HOATZ: variants seen among roughly 807,000 people sequenced by gnomAD.
HOATZ encodes HOATZ cilia and flagella associated protein.
In HOATZ, 26 loss-of-function variants were observed where a neutral mutation model predicts 24.9. That is an observed-to-expected ratio of 1.04 (90% confidence interval 0.76 to 1.45). The LOEUF (loss-of-function observed/expected upper bound fraction) is 1.45, where lower values mean the gene tolerates loss of function less well. Among genes scored for constraint, HOATZ ranks in the 40% most tolerant of loss-of-function variants. The pLI, the probability that HOATZ is intolerant of heterozygous loss-of-function variation, is 0.00. For synonymous variants in HOATZ, 83 were observed against 76.6 expected (o/e 1.08, Z -0.43); for missense variants, 226 against 201.5 (o/e 1.12, Z -0.74).
Position 111,534,432 on chromosome 11 carries a change from G to A in HOATZ, c.420G>A (p.Pro140=), listed in dbSNP as rs756388978. 16 of 1,610,678 alleles carry A rather than the reference G, an allele frequency of 9.9e-6. No individual in the cohort carries two copies. Among genetic ancestry groups the A allele is most frequent in the East Asian group, 6.7e-5 (3 of 44,822 alleles). The change falls in exon 5 of 6, where the codon CCG becomes CCA. Residue 140 remains proline (P), a synonymous_variant. Transcript: ENST00000375618. ...ERISKELISL[P]YKPKAKEHKA... is the part of the protein sequence containing the mutation. Reference sequence around the variant, plus strand: ...TTCAGAAAGAACTGATTTCCCTTCCGTATAAACCAAAAGCCAAAGAACACA... The same window carrying A: ...TTCAGAAAGAACTGATTTCCCTTCCATATAAACCAAAAGCCAAAGAACACA...
At chr11:111,522,521 G>T (rs1335302942) in intron 3 of HOATZ, among the ~76,000 whole-genome samples, 4 of 152,204 alleles carry the variant, frequency 2.6e-5, no homozygotes, top group Admixed American at 2.0e-4. Flanking sequence ...ATCAGAGCCA[G>T]ATAATAAATG....
intron 3 of HOATZ, among the ~76,000 whole-genome samples, chr11:111,520,125 C>T (rs1867253055): frequency 6.6e-6 from 1 of 152,200 alleles, no homozygotes; most frequent in African/African-American, 2.4e-5. Flanking sequence ...CAGCCCTACA[C>T]TGGACCATCA....
At chr11:111,519,268 C>G (rs1338199162) in intron 3 of HOATZ, 1 of 191,946 alleles carries the variant, frequency 5.2e-6, no homozygotes, top group African/African-American at 2.3e-5. Flanking sequence ...TTTGCTTAAC[C>G]TAGTGCCTTT....
chr11:111,536,614 C>G lies in HOATZ; in HGVS notation c.453-156C>G, dbSNP rs888052062. The G allele has an allele frequency of 6.6e-6, 4 of 607,386 alleles. No individual in the cohort carries two copies. In the African/African-American group the frequency reaches 7.3e-5, roughly 11 times the overall value. 37.6% of individuals were successfully genotyped at this position (607,386 alleles called of 1,614,324 possible). Reference sequence around the variant, plus strand: ...TTCACAATATCATAACCACTTCTCTCACATACAAGTTTATACTTGGTTGCA... The same window carrying G: ...TTCACAATATCATAACCACTTCTCTGACATACAAGTTTATACTTGGTTGCA... On this transcript the variant is annotated intron_variant, in intron 5 of 5. Coordinates refer to ENST00000375618, the MANE Select transcript of HOATZ (RefSeq NM_001100388.2).
At chr11:111,519,454 A>T (rs1867244688) in intron 3 of HOATZ, among the ~76,000 whole-genome samples, 1 of 152,166 alleles carries the variant, frequency 6.6e-6, no homozygotes, top group Non-Finnish European at 1.5e-5. Flanking sequence ...TACTCCCAAA[A>T]TCTAATCTGT....
intron 3 of HOATZ, among the ~76,000 whole-genome samples, chr11:111,524,723 C>T (rs1440107214): frequency 1.3e-5 from 2 of 152,068 alleles, no homozygotes; most frequent in Non-Finnish European, 2.9e-5. Flanking sequence ...ATATAGGAGA[C>T]AAATTGACCT....
intron 1 of HOATZ, 81 bp from the exon 2 acceptor site, chr11:111,515,430 G>T (rs1867176882): frequency 1.7e-5 from 19 of 1,126,968 alleles, no homozygotes; most frequent in Non-Finnish European, 2.6e-5. Flanking sequence ...TTATGCAATT[G>T]TTATAGTATA....
chr11:111,521,248 C>A (rs1279030727), intron 3 of HOATZ, among the ~76,000 whole-genome samples: 2 of 151,546 alleles, frequency 1.3e-5, no homozygotes, highest in African/African-American at 4.9e-5. Context: ...GAAAAAAAAA[C>A]CTTAGAACTT....
intron 3 of HOATZ, among the ~76,000 whole-genome samples, chr11:111,517,105 T>C (rs1041106696): frequency 2.0e-5 from 3 of 152,228 alleles, no homozygotes; most frequent in African/African-American, 7.2e-5. Context: ...CTACATAAAT[T>C]ACAAAACAAT....
rs1170573923 is a variant in HOATZ, at chr11:111,514,873, C to T, written c.89C>T (p.Ser30Leu). 1 of 1,613,974 alleles carries T rather than the reference C, an allele frequency of 6.2e-7. No homozygotes were observed. The highest frequency in any genetic ancestry group is 8.5e-7 in the Non-Finnish European group (1 of 1,180,004). The change falls in exon 1 of 6, where the codon TCG (serine) becomes TTG (leucine). Residue 30 changes from serine (S) to leucine (L), a missense_variant. Transcript: ENST00000375618. ...GGATTACTGGTATTTGCTGGCTCCT[C>T]GGAACAAGATGCCAACTTGGCTAAG... is the stretch of plus-strand genomic sequence containing the variant. ...PPGLLVFAGS[S>L]EQDANLAKQF...
Position 111,515,553 on chromosome 11 carries a change from G to GT in HOATZ, c.268+2dup, listed in dbSNP as rs775797465. On this transcript the variant is annotated splice_donor_variant, in intron 2 of 5. Coordinates refer to ENST00000375618, the MANE Select transcript of HOATZ (RefSeq NM_001100388.2). LOFTEE classifies it high-confidence loss of function. ...CAGTCTTTTCACCTTGCGAGTAACA[G>GT]TAAGTACCAAGTTTTATGCCTTTCA... 13 of 1,612,288 alleles carry GT rather than the reference G, an allele frequency of 8.1e-6. No individual in the cohort carries two copies. The highest frequency in any genetic ancestry group is 1.1e-5 in the Non-Finnish European group (13 of 1,178,504).
intron 3 of HOATZ, among the ~76,000 whole-genome samples, chr11:111,528,855 T>G (rs1867366686): frequency 6.6e-6 from 1 of 152,170 alleles, no homozygotes; most frequent in Non-Finnish European, 1.5e-5. Flanking sequence ...GTGTTTGAAG[T>G]CTGTGTGTTT....
chr11:111,526,856 C>G (rs191830107), intron 3 of HOATZ: 1 of 152,314 alleles, frequency 6.6e-6, no homozygotes. Context: ...CATTCACCCA[C>G]TCATCATAGC....
chr11:111,519,445 A>G (rs574471259), intron 3 of HOATZ, among the ~76,000 whole-genome samples: 10 of 152,160 alleles, frequency 6.6e-5, no homozygotes, highest in African/African-American at 2.2e-4. Flanking sequence ...TTACTAGAAT[A>G]CTCCCAAAAT....
At chr11:111,525,284 A>G (rs932562104) in intron 3 of HOATZ, among the ~76,000 whole-genome samples, 4 of 152,206 alleles carry the variant, frequency 2.6e-5, no homozygotes, top group Non-Finnish European at 5.9e-5. Context: ...CTTTCATTAT[A>G]AAGGACACAT....
intron 3 of HOATZ, among the ~76,000 whole-genome samples, chr11:111,530,662 T>C (rs1867384649): frequency 6.6e-6 from 1 of 152,184 alleles, no homozygotes; most frequent in Admixed American, 6.5e-5. Context: ...TGAATAATTA[T>C]AAAGTCTTAT....
chr11:111,518,819 A>T (rs1867235990), intron 3 of HOATZ, among the ~76,000 whole-genome samples: 1 of 152,112 alleles, frequency 6.6e-6, no homozygotes. Context: ...GCTCTTCCCC[A>T]TTTACCTTCA....
chr11:111,526,524 T>C (rs554809262), intron 3 of HOATZ: 1 of 152,182 alleles, frequency 6.6e-6, no homozygotes, highest in Non-Finnish European at 1.5e-5. Flanking sequence ...GTATCAAAGA[T>C]AACTCAGTTT....
chr11:111,522,837 G>A (rs1018424597), intron 3 of HOATZ, among the ~76,000 whole-genome samples: 5 of 151,994 alleles, frequency 3.3e-5, no homozygotes, highest in Non-Finnish European at 7.4e-5. Flanking sequence ...AAAAAAAATT[G>A]AGGCTGGGCA....
Sources: allele counts gnomAD v4.1 joint callset (sites outside exome capture counted in the v4.1 genomes callset), GRCh38; gene constraint gnomAD v4.1.1; transcripts MANE v1.5; gene names NCBI Gene and HGNC (gene_info 2026-07-23, HGNC 2026-07-21).